The following MATCAP2 variants were observed in gnomAD, a reference collection of about 807,000 sequenced individuals.
MATCAP2 encodes the protein microtubule associated tyrosine carboxypeptidase 2.
the MATCAP2 span, among the ~76,000 whole-genome samples, chr7:36,350,571 G>A: frequency 4.4e-4 from 61 of 138,316 alleles, no homozygotes; most frequent in Admixed American, 1.0e-3. Flanking sequence ...GTCTCATTCC[G>A]TCACCCAGGC....
the MATCAP2 span, chr7:36,367,091 A>T: frequency 8.0e-7 from 1 of 1,251,516 alleles, no homozygotes; most frequent in African/African-American, 1.6e-5. Flanking sequence ...TAAGGAGGGT[A>T]AGGGCGGACG....
At chr7:36,339,520 G>A in the MATCAP2 span, among the ~76,000 whole-genome samples, 1 of 152,168 alleles carries the variant, frequency 6.6e-6, no homozygotes, top group Non-Finnish European at 1.5e-5. Context: ...TGATTCAAGT[G>A]CATGTAAAAT....
the MATCAP2 span, among the ~76,000 whole-genome samples, chr7:36,380,054 G>A: frequency 1.3e-5 from 2 of 152,118 alleles, no homozygotes; most frequent in African/African-American, 4.8e-5. Context: ...GAGTACTGAG[G>A]TGGATGATGA....
chr7:36,336,651 C>G, the MATCAP2 span, among the ~76,000 whole-genome samples: 3 of 151,966 alleles, frequency 2.0e-5, no homozygotes, highest in Admixed American at 2.0e-4. Context: ...GGCAGGAGAA[C>G]TCAGAGTGGA....
At chr7:36,335,298 A>T in the MATCAP2 span, 1 of 911,420 alleles carries the variant, frequency 1.1e-6, no homozygotes, top group Admixed American at 2.3e-5. Context: ...AACCACCTTA[A>T]ATCTCCCAGA....
the MATCAP2 span, among the ~76,000 whole-genome samples, chr7:36,376,451 A>G: frequency 4.3e-4 from 65 of 152,296 alleles, no homozygotes; most frequent in Non-Finnish European, 7.4e-4. Flanking sequence ...GTGTGGTCTG[A>G]GAGACAGTTT....
the MATCAP2 span, among the ~76,000 whole-genome samples, chr7:36,351,221 C>T: frequency 2.2e-5 from 3 of 135,688 alleles, no homozygotes; most frequent in African/African-American, 5.1e-5. Flanking sequence ...CATGGTGAAA[C>T]CCTGTCTTTA....
At chr7:36,339,291 G>C in the MATCAP2 span, among the ~76,000 whole-genome samples, 2 of 152,248 alleles carry the variant, frequency 1.3e-5, no homozygotes, top group Middle Eastern at 6.8e-3. Context: ...TAATAAGCTA[G>C]GCATATATCA....
the MATCAP2 span, among the ~76,000 whole-genome samples, chr7:36,381,903 T>G: frequency 6.6e-6 from 1 of 152,074 alleles, no homozygotes; most frequent in Non-Finnish European, 1.5e-5. Flanking sequence ...AAATAGCATG[T>G]GAGGAGAAAT....
the MATCAP2 span, chr7:36,355,507 CAA>C: frequency 6.6e-6 from 1 of 152,112 alleles, no homozygotes; most frequent in Non-Finnish European, 1.5e-5. Flanking sequence ...GAAGCAGAAG[CAA>C]AGAGACCCTA....
chr7:36,367,395 T>G, the MATCAP2 span: 1 of 959,626 alleles, frequency 1.0e-6, no homozygotes, highest in African/African-American at 1.8e-5. Context: ...CTTGTGGCTG[T>G]GCCCGCGAGC....
the MATCAP2 span, among the ~76,000 whole-genome samples, chr7:36,382,112 G>A: frequency 2.6e-5 from 4 of 151,548 alleles, no homozygotes; most frequent in African/African-American, 4.9e-5. Flanking sequence ...GGCCAACATG[G>A]TGAAAACCTG....
chr7:36,332,712 G>T, the MATCAP2 span, among the ~76,000 whole-genome samples: 1 of 152,232 alleles, frequency 6.6e-6, no homozygotes, highest in South Asian at 2.1e-4. Context: ...TGGATCACCT[G>T]AAGTCAGGAC....
chr7:36,368,115 A>T, the MATCAP2 span: 2 of 152,018 alleles, frequency 1.3e-5, no homozygotes, highest in Admixed American at 1.3e-4. Context: ...TTCAACAAAC[A>T]TTTTTTGAGA....
chr7:36,334,772 T>C, the MATCAP2 span, among the ~76,000 whole-genome samples: 2 of 152,064 alleles, frequency 1.3e-5, no homozygotes, highest in African/African-American at 4.8e-5. Flanking sequence ...GATACCTTAA[T>C]TCAACCCCCT....
the MATCAP2 span, among the ~76,000 whole-genome samples, chr7:36,337,142 A>G: frequency 1.4e-4 from 20 of 147,560 alleles, 1 homozygote; most frequent in Non-Finnish European, 4.5e-5. Flanking sequence ...AGTCTTCTGC[A>G]ACAATCTATC....
chr7:36,385,582 G>A, the MATCAP2 span, among the ~76,000 whole-genome samples: 1 of 151,812 alleles, frequency 6.6e-6, no homozygotes, highest in Non-Finnish European at 1.5e-5. Context: ...GCCAGGAGTT[G>A]GAGACCAGCC....
the MATCAP2 span, among the ~76,000 whole-genome samples, chr7:36,381,895 A>G: frequency 6.6e-6 from 1 of 152,172 alleles, no homozygotes; most frequent in Admixed American, 6.5e-5. Flanking sequence ...GGGTCTGGAA[A>G]TAGCATGTGA....
the MATCAP2 span, among the ~76,000 whole-genome samples, chr7:36,329,715 T>A: frequency 1.3e-5 from 2 of 152,208 alleles, no homozygotes; most frequent in African/African-American, 4.8e-5. Context: ...GTAATTGATT[T>A]GGGAAAAGAT....
Sources: gnomAD v4.1 joint callset for allele counts (sites outside exome capture counted in the v4.1 genomes callset) on GRCh38, gnomAD v4.1.1 for gene constraint, MANE v1.5 for transcripts, NCBI Gene and HGNC (gene_info 2026-07-23, HGNC 2026-07-21) for gene names.